The following COL11A1 variants were observed in gnomAD, a reference collection of about 807,000 sequenced individuals.
The protein encoded by COL11A1 is collagen alpha-1(XI) chain.
A neutral mutation model predicts 265.2 loss-of-function variants in COL11A1; 74 were observed. The observed-to-expected ratio is 0.28, with a 90% CI of 0.23 to 0.34. The LOEUF (loss-of-function observed/expected upper bound fraction) is 0.34, where lower values mean the gene tolerates loss of function less well. Among genes scored for constraint, COL11A1 ranks in the 10% least tolerant of loss-of-function variants. COL11A1 has a pLI of 1.00. For missense variants in COL11A1, 2,165 were observed against 2,263.6 expected (o/e 0.96, Z 0.88); for synonymous variants, 816 against 727.6 (o/e 1.12, Z -1.96).
intron 46 of COL11A1, among the ~76,000 whole-genome samples, chr1:102,932,145 C>G (rs1020774851): frequency 1.3e-5 from 2 of 150,886 alleles, no homozygotes; most frequent in African/African-American, 4.9e-5. Context: ...ATGATGTTAG[C>G]TGGTTATTTT....
rs1038010395 is a variant in COL11A1, at chr1:103,011,520, C to A, written c.1629+893G>T. ...TATAAGGAAATCTACATAATAAAAT[C>A]TTCGATAAAATACATGAAGAAAAAC... On this transcript the variant is annotated intron_variant, in intron 14 of 66. Transcript: ENST00000370096. 3.3e-5 allele frequency among the ~76,000 whole-genome samples: 5 copies of A among 151,848 alleles called. No individual in the cohort carries two copies. In the East Asian group the frequency reaches 5.8e-4, roughly 18 times the overall value.
At position 103,027,399 on chromosome 1, in the gene COL11A1, ATATATATATATATATAT is replaced by A. The variant is rs1557966342; in HGVS notation, c.781-1084_781-1068del. Among the ~76,000 whole-genome samples, 123 of 18,008 alleles carry A rather than the reference ATATATATATATATATAT, an allele frequency of 6.8e-3. 2 individuals carry two copies. The highest frequency in any genetic ancestry group is 0.013 in the African/African-American group (118 of 9,348). 11.8% of individuals were successfully genotyped at this position (18,008 alleles called of 152,430 possible). ...AAACTCAACAAGTTAAAACTCTAAT[ATATATATATATATATAT>A]ATATATATATATATATATATATATA... On this transcript the variant is annotated intron_variant, in intron 5 of 66. Transcript: ENST00000370096.
chr1:102,976,261 C>A (rs1337041438), intron 35 of COL11A1, among the ~76,000 whole-genome samples: 3 of 77,028 alleles, frequency 3.9e-5, no homozygotes, highest in African/African-American at 7.3e-5. Flanking sequence ...AAAATTGAGT[C>A]TTTATAAAAT....
chr1:102,914,694 A>G lies in COL11A1; in HGVS notation c.3924+10T>C, dbSNP rs1655098657. On this transcript the variant is annotated intron_variant, in intron 51 of 66. Coordinates refer to ENST00000370096, the MANE Select transcript of COL11A1 (RefSeq NM_001854.4). ...TAAATGCCACATTAGAGGGGACCAA[A>G]CTCACTTACCGGGTTACCCTTAGGG... 1 of 1,606,952 alleles carries G rather than the reference A, an allele frequency of 6.2e-7. No homozygotes were observed.
chr1:103,003,265 G>A lies in COL11A1; in HGVS notation c.1948C>T (p.Pro650Ser), dbSNP rs202080663. The change falls in exon 21 of 67, where the codon CCA (proline) becomes TCA (serine). Residue 650 changes from proline (P) to serine (S), a missense_variant. Pro to Ser is a moderately conservative substitution (Grantham distance 74). Coordinates refer to ENST00000370096, the MANE Select transcript of COL11A1 (RefSeq NM_001854.4). ...GPRGLPGEAGPRGLLGPRGTP... is the reference protein window; with the variant it reads ...GPRGLPGEAGSRGLLGPRGTP... ...CCCCTTGGACCCAGCAAACCTCGTG[G>A]GCCCTAGGAGAAAAAGAAAAAGCAC... The A allele has an allele frequency of 1.4e-5, 22 of 1,612,680 alleles. No individual in the cohort carries two copies. The East Asian group carries it at 4.9e-4, about 36-fold the overall frequency.
chr1:102,967,839 A>G (rs1439920967), intron 37 of COL11A1, among the ~76,000 whole-genome samples: 1 of 151,466 alleles, frequency 6.6e-6, no homozygotes, highest in Non-Finnish European at 1.5e-5. Flanking sequence ...CAAGAATCAC[A>G]CACAAAATAT....
chr1:103,025,754 C>T, intron 6 of COL11A1, 141 bp from the exon 7 acceptor site: 1 of 1,608,872 alleles, frequency 6.2e-7, no homozygotes, highest in Non-Finnish European at 8.5e-7. Flanking sequence ...GATCAGAGAT[C>T]TTCCAGCTTA....
At chr1:102,909,936 T>C (rs1408396303) in intron 54 of COL11A1, among the ~76,000 whole-genome samples, 5 of 152,068 alleles carry the variant, frequency 3.3e-5, no homozygotes, top group Admixed American at 2.6e-4. Context: ...TGCTGCATTA[T>C]ATTATCATGA....
Position 102,922,856 on chromosome 1 carries a change from T to C in COL11A1, c.3654+480A>G, listed in dbSNP as rs1475766717. On this transcript the variant is annotated intron_variant, in intron 47 of 66. Coordinates refer to ENST00000370096, the MANE Select transcript of COL11A1 (RefSeq NM_001854.4). ...ATGTGTATTTTGAAGGAAGTGAAAA[T>C]TGGGGGCAATGTTGAAGGAAAGGGC... is the stretch of plus-strand genomic sequence containing the variant. Among the ~76,000 whole-genome samples the C allele has an allele frequency of 2.6e-5, 4 of 152,086 alleles. No homozygotes were observed. In the South Asian group the frequency reaches 6.2e-4, roughly 24 times the overall value.
intron 37 of COL11A1, among the ~76,000 whole-genome samples, chr1:102,969,501 C>T (rs1661749158): frequency 6.6e-6 from 1 of 152,128 alleles, no homozygotes; most frequent in Non-Finnish European, 1.5e-5. Context: ...ATTAGAATGA[C>T]AATCCACTGG....
chr1:103,073,018 A>G (rs931655348), intron 4 of COL11A1, among the ~76,000 whole-genome samples: 4 of 151,818 alleles, frequency 2.6e-5, no homozygotes, highest in African/African-American at 9.7e-5. Context: ...TAAATGTTTT[A>G]TTTAAAACTT....
chr1:103,004,882 C>A (rs993110876), intron 18 of COL11A1, among the ~76,000 whole-genome samples: 3 of 151,794 alleles, frequency 2.0e-5, no homozygotes, highest in African/African-American at 2.4e-5. Flanking sequence ...ATAATATTTT[C>A]TCTCAATTTT....
chr1:103,046,084 T>C (rs767487611), intron 4 of COL11A1, among the ~76,000 whole-genome samples: 1 of 151,640 alleles, frequency 6.6e-6, no homozygotes. Context: ...AACATACGTG[T>C]GCATGTGTCT....
intron 24 of COL11A1, chr1:103,001,038 A>G: frequency 2.5e-6 from 1 of 395,084 alleles, no homozygotes; most frequent in African/African-American, 2.1e-5. Context: ...AAATTTATTC[A>G]TAAGTTTCAT....
At chr1:103,042,584 G>A (rs1244790871) in intron 4 of COL11A1, among the ~76,000 whole-genome samples, 1 of 152,062 alleles carries the variant, frequency 6.6e-6, no homozygotes, top group Non-Finnish European at 1.5e-5. Flanking sequence ...GAGTTTGGAA[G>A]TTGGGAAGGG....
At chr1:103,050,505 A>AT (rs929281946) in intron 4 of COL11A1, among the ~76,000 whole-genome samples, 9 of 151,572 alleles carry the variant, frequency 5.9e-5, no homozygotes, top group African/African-American at 1.9e-4. Flanking sequence ...CATTCGTCTA[A>AT]TTTTTTTTCA....
At chr1:102,962,622 G>T in intron 39 of COL11A1, 31 bp downstream of exon 39, 1 of 1,594,890 alleles carries the variant, frequency 6.3e-7, no homozygotes, top group Non-Finnish European at 8.6e-7. Context: ...AAAGTTTTGG[G>T]CCAAAAAAAG....
chr1:103,070,305 A>G (rs1226162747), intron 4 of COL11A1, among the ~76,000 whole-genome samples: 2 of 151,254 alleles, frequency 1.3e-5, no homozygotes, highest in Non-Finnish European at 3.0e-5. Flanking sequence ...AATTGTATGT[A>G]ATATAAATAA....
At position 102,972,961 on chromosome 1, in the gene COL11A1, C is replaced by CAT. The variant is rs146457381; in HGVS notation, c.2808+1867_2808+1868dup. On this transcript the variant is annotated intron_variant, in intron 36 of 66. Transcript: ENST00000370096. The stretch of plus-strand genomic sequence containing the variant: ...AGAATCTGAAGGGAATATTTAGATC[C>CAT]ATATATATATATGTCTGTGTGAATA... Among the ~76,000 whole-genome samples, 1,032 of 151,432 alleles carry CAT rather than the reference C, an allele frequency of 6.8e-3. 4 individuals are homozygous for CAT. The highest frequency in any genetic ancestry group is 0.027 in the Middle Eastern group (8 of 292).
Sources: gnomAD v4.1 joint callset for allele counts (sites outside exome capture counted in the v4.1 genomes callset) on GRCh38, gnomAD v4.1.1 for gene constraint, MANE v1.5 for transcripts, NCBI Gene and HGNC (gene_info 2026-07-23, HGNC 2026-07-21) for gene names.